The following STN1 variants were observed in gnomAD, a reference collection of about 807,000 sequenced individuals.
STN1 encodes the protein CST complex subunit STN1.
A neutral mutation model predicts 45.5 loss-of-function variants in STN1; 29 were observed. The ratio of observed to expected loss-of-function variants is 0.64; its 90% CI spans 0.47 to 0.87. STN1 has a LOEUF of 0.87. Ranked by LOEUF, STN1 falls within the 40% of genes least tolerant of loss-of-function variation. The pLI is 0.00. For synonymous variants in STN1, 148 were observed against 159.0 expected (o/e 0.93, Z 0.52); for missense variants, 376 against 441.4 (o/e 0.85, Z 1.33).
intron 2 of STN1, among the ~76,000 whole-genome samples, chr10:103,914,307 T>G (rs1843309944): frequency 6.9e-6 from 1 of 144,742 alleles, no homozygotes; most frequent in Non-Finnish European, 1.5e-5. Flanking sequence ...ATACGACTTC[T>G]GTATGTTATG....
rs1226126062 is a variant in STN1, at chr10:103,905,163, G to C, written c.230-7C>G. Reference sequence around the variant, plus strand: ...ACTCCAGTGCTGTCATCCACTGCAAGAGAAAAGCAAAAGGGTATAAGAGAG... The same window carrying C: ...ACTCCAGTGCTGTCATCCACTGCAACAGAAAAGCAAAAGGGTATAAGAGAG... On this transcript the variant is annotated splice_polypyrimidine_tract_variant and splice_region_variant and intron_variant, in intron 3 of 9. Transcript: ENST00000224950. 6.2e-7 allele frequency: 1 copy of C among 1,613,654 alleles called. No homozygotes were observed.
chr10:103,900,014 C>T lies in STN1; in HGVS notation c.457+48G>A, dbSNP rs561254438. On this transcript the variant is annotated intron_variant, in intron 5 of 9. Transcript: ENST00000224950. ...CCAGCTGAACAAGAGGTTTACTGGA[C>T]GCACATCCAGAAAAACCACCAATTT... 2.5e-5 allele frequency: 39 copies of T among 1,579,424 alleles called. 1 individual carries two copies. Among genetic ancestry groups the T allele is most frequent in the South Asian group, 1.8e-4 (16 of 89,032 alleles).
chr10:103,882,929 T>C (rs1843080065), intron 9 of STN1, 88 bp from the exon 10 acceptor site: 1 of 1,278,120 alleles, frequency 7.8e-7, no homozygotes, highest in African/African-American at 1.5e-5. Flanking sequence ...ATCTGCATTC[T>C]GACCAGATCC....
chr10:103,917,704 A>G (rs1843343661), intron 1 of STN1, 48 bp from the exon 2 acceptor site: 2 of 1,289,688 alleles, frequency 1.6e-6, no homozygotes, highest in Non-Finnish European at 2.1e-6. Flanking sequence ...ACGTGGGTCA[A>G]AGTGGCACGG....
intron 4 of STN1, among the ~76,000 whole-genome samples, chr10:103,902,615 C>T (rs768210736): frequency 4.6e-5 from 7 of 152,208 alleles, no homozygotes; most frequent in Non-Finnish European, 8.8e-5. Flanking sequence ...CTTAACTTTG[C>T]TCATAAGCTA....
intron 7 of STN1, among the ~76,000 whole-genome samples, chr10:103,896,840 G>C (rs764552293): frequency 6.6e-6 from 1 of 151,910 alleles, no homozygotes; most frequent in Admixed American, 6.5e-5. Context: ...CTGGCCCCTC[G>C]TTACTTAATC....
At chr10:103,898,755 A>G in intron 6 of STN1, 122 bp downstream of exon 6, 1 of 1,110,986 alleles carries the variant, frequency 9.0e-7, no homozygotes, top group Non-Finnish European at 1.3e-6. Flanking sequence ...GCTTGCCCAG[A>G]GCCCCACAGT....
intron 8 of STN1, among the ~76,000 whole-genome samples, chr10:103,890,617 G>A (rs1159494894): frequency 6.6e-6 from 1 of 152,182 alleles, no homozygotes; most frequent in Non-Finnish European, 1.5e-5. Flanking sequence ...CAACTTCCAG[G>A]AAGCAACCAA....
rs146508628 is a variant in STN1 at position 103,912,907 on chromosome 10, C to T, written c.134-2285G>A. On this transcript the variant is annotated intron_variant, in intron 2 of 9. Coordinates refer to ENST00000224950, the MANE Select transcript of STN1 (RefSeq NM_024928.5). ...GACACTCCACAGGGTCTGTTGTGGC[C>T]CACAGCACATAGGCAATCAGAGGCA... Among the ~76,000 whole-genome samples, 292 of 152,278 alleles carry T rather than the reference C, an allele frequency of 1.9e-3. 1 individual carries two copies. Among genetic ancestry groups the T allele is most frequent in the African/African-American group, 6.7e-3 (279 of 41,558 alleles).
rs1319385369 is a variant in STN1 at position 103,881,776 on chromosome 10, A to G, written c.*908T>C. Among the ~76,000 whole-genome samples the G allele has an allele frequency of 6.6e-6, 1 of 152,248 alleles. No individual in the cohort carries two copies. Among genetic ancestry groups the G allele is most frequent in the Non-Finnish European group, 1.5e-5 (1 of 68,046 alleles). On this transcript the variant is annotated 3_prime_UTR_variant, in exon 10 of 10. Transcript: ENST00000224950. Reference sequence around the variant, plus strand: ...GTCATTTTGCTGTCAGAACAGGCCTACAACATACCTCAGATGTTTTTCCTT... The same window carrying G: ...GTCATTTTGCTGTCAGAACAGGCCTGCAACATACCTCAGATGTTTTTCCTT...
rs1564636108 is a variant in STN1 at position 103,914,356 on chromosome 10, A to ATTTTTTTTTT, written c.133+3105_133+3106insAAAAAAAAAA. 3.1e-4 allele frequency among the ~76,000 whole-genome samples: 6 copies of ATTTTTTTTTT among 19,144 alleles called. 3 individuals are homozygous for ATTTTTTTTTT. The highest frequency in any genetic ancestry group is 7.0e-4 in the Non-Finnish European group (6 of 8,530). The allele number at this position is 19,144 out of a possible 152,430, so 12.6% of individuals were successfully genotyped here. A position where few individuals can be genotyped will look rare whatever the true frequency, so the allele number is the denominator to read the frequency against. On this transcript the variant is annotated intron_variant, in intron 2 of 9. Transcript: ENST00000224950. ...AATACATATATATATATATATATAT[A>ATTTTTTTTTT]TATATATATATATATATATTTTTTT...
In STN1 at chr10:103,902,751, C is replaced by A. The variant is rs1228124564; in HGVS notation, c.295+2340G>T. ...TTAAAAAATTAGTCTTTGCTGGCCA[C>A]CTTCCAATGGAAAGCTTTTAAACTA... On this transcript the variant is annotated intron_variant, in intron 4 of 9. Coordinates refer to ENST00000224950, the MANE Select transcript of STN1 (RefSeq NM_024928.5). 3.3e-5 allele frequency among the ~76,000 whole-genome samples: 5 copies of A among 152,278 alleles called. No individual in the cohort carries two copies. In the East Asian group the frequency reaches 9.6e-4, roughly 29 times the overall value.
chr10:103,897,810 G>A (rs775962626), intron 6 of STN1, 91 bp from the exon 7 acceptor site: 20 of 1,279,448 alleles, frequency 1.6e-5, no homozygotes, highest in Non-Finnish European at 2.2e-5. Flanking sequence ...GCTAGAAAAT[G>A]CAACACTATA....
In STN1 at chr10:103,880,547, T is replaced by C. The variant is rs879372547; in HGVS notation, c.*2137A>G. On this transcript the variant is annotated 3_prime_UTR_variant, in exon 10 of 10. Coordinates refer to ENST00000224950, the MANE Select transcript of STN1 (RefSeq NM_024928.5). ...GAGCAAGCCTGGGGTCAGGAGTAAT[T>C]GGGAGCCTGGCTTTGGGCCTGTGAA... Among the ~76,000 whole-genome samples the C allele has an allele frequency of 2.6e-5, 4 of 152,110 alleles. No homozygotes were observed. Among genetic ancestry groups the C allele is most frequent in the Non-Finnish European group, 5.9e-5 (4 of 68,020 alleles).
intron 7 of STN1, among the ~76,000 whole-genome samples, chr10:103,894,804 T>C (rs1312505763): frequency 6.6e-6 from 1 of 151,646 alleles, no homozygotes. Context: ...CCCTGAAATA[T>C]ATATAGTCTT....
chr10:103,910,253 A>G (rs1843280885), intron 3 of STN1, among the ~76,000 whole-genome samples: 1 of 152,182 alleles, frequency 6.6e-6, no homozygotes, highest in South Asian at 2.1e-4. Flanking sequence ...CTGCCCGTCC[A>G]TCGATGCTCA....
intron 4 of STN1, among the ~76,000 whole-genome samples, chr10:103,902,568 A>G (rs951160715): frequency 6.6e-6 from 1 of 152,220 alleles, no homozygotes; most frequent in Admixed American, 6.5e-5. Context: ...TGAAAGATAA[A>G]TCCCCTTTAA....
rs142616199 is a variant in STN1 at position 103,892,161 on chromosome 10, T to C, written c.845A>G (p.Gln282Arg). 12 of 1,611,804 alleles carry C rather than the reference T, an allele frequency of 7.4e-6. No individual in the cohort carries two copies. The highest frequency in any genetic ancestry group is 1.0e-5 in the Non-Finnish European group (12 of 1,179,412). Residue 282 changes from glutamine to arginine, a missense_variant, in exon 8 of 10, where the codon CAG becomes CGG. Gln to Arg is a conservative substitution (Grantham distance 43). Coordinates refer to ENST00000224950, the MANE Select transcript of STN1 (RefSeq NM_024928.5). ...QLLQEKGLVF[Q>R]KDDGFDNLYY... ...TAGGTTATCAAAACCATCATCTTTC[T>C]GGAAAACAAGTCCTTTTTCCTGCAG...
chr10:103,917,450 C>G lies in STN1; in HGVS notation c.133+12G>C. 1 of 1,611,426 alleles carries G rather than the reference C, an allele frequency of 6.2e-7. No homozygotes were observed. The highest frequency in any genetic ancestry group is 8.5e-7 in the Non-Finnish European group (1 of 1,178,550). On this transcript the variant is annotated intron_variant, in intron 2 of 9. Coordinates refer to ENST00000224950, the MANE Select transcript of STN1 (RefSeq NM_024928.5). ...TGCAGCCCAGGGCATCCCAGGGTGGCTAGCCACATACCTGGCACCTGGCGG... is the reference window on the plus strand; with the variant it reads ...TGCAGCCCAGGGCATCCCAGGGTGGGTAGCCACATACCTGGCACCTGGCGG...
Sources: allele counts gnomAD v4.1 joint callset (sites outside exome capture counted in the v4.1 genomes callset), GRCh38; gene constraint gnomAD v4.1.1; transcripts MANE v1.5; gene names NCBI Gene and HGNC (gene_info 2026-07-23, HGNC 2026-07-21).